Variants in TAP2 observed in about 807,000 individuals in gnomAD.
TAP2 encodes the protein transporter 2, ATP binding cassette subfamily B member.
In TAP2, 49 loss-of-function variants were observed where a neutral mutation model predicts 74.7. The ratio of observed to expected loss-of-function variants is 0.66; its 90% confidence interval spans 0.52 to 0.83. TAP2 has a LOEUF of 0.83. Ranked by LOEUF, TAP2 falls within the 40% of genes least tolerant of loss-of-function variation. TAP2 has a pLI of 0.00. For missense variants in TAP2, 739 were observed against 859.0 expected, an observed-to-expected ratio of 0.86 and a Z score of 1.75; for synonymous variants, 306 against 368.4, an observed-to-expected ratio of 0.83 and a Z score of 1.94.
Position 32,828,675 on chromosome 6 carries a change from G to GGCC in TAP2, c.*230_*231insGGC. 3 of 884,262 alleles carry GGCC rather than the reference G, an allele frequency of 3.4e-6. No homozygotes were observed. The highest frequency in any genetic ancestry group is 4.1e-6 in the Non-Finnish European group (3 of 735,224). The allele number at this position is 884,262 out of a possible 1,614,324, so 54.8% of individuals were successfully genotyped here. On this transcript the variant is annotated 3_prime_UTR_variant, in exon 12 of 12. Coordinates refer to ENST00000374897, the MANE Select transcript of TAP2 (RefSeq NM_001290043.2). ...GAATTAAGTTTCCTGGACACAGACA[G>GGCC]CCCCCACCCCACCCCACCCCACCTC...
intron 10 of TAP2, 33 bp from the exon 11 acceptor site, chr6:32,829,569 T>C (rs1042866078): frequency 1.2e-6 from 2 of 1,613,694 alleles, no homozygotes; most frequent in South Asian, 1.1e-5. Context: ...CTTCCTCAGA[T>C]ACAAGTGACA....
rs1441094104 is a variant in TAP2 at position 32,828,144 on chromosome 6, C to A, written c.*762G>T. The A allele has an allele frequency of 1.2e-6, 1 of 801,928 alleles. No homozygotes were observed. Among genetic ancestry groups the A allele is most frequent in the Admixed American group, 6.2e-5 (1 of 16,020 alleles). 49.7% of individuals were successfully genotyped at this position (801,928 alleles called of 1,614,324 possible). ...ATTGAGCCTCTTTGAGCTTCAGTTTCCTCATCTGTAAAATGGGGATAATAA... is the reference window on the plus strand; with the variant it reads ...ATTGAGCCTCTTTGAGCTTCAGTTTACTCATCTGTAAAATGGGGATAATAA... On this transcript the variant is annotated 3_prime_UTR_variant, in exon 12 of 12. Coordinates refer to ENST00000374897, the MANE Select transcript of TAP2 (RefSeq NM_001290043.2).
In TAP2 at chr6:32,828,898, T is replaced by C. The variant is rs1021757616; in HGVS notation, c.*8A>G. The C allele has an allele frequency of 4.6e-6, 7 of 1,536,304 alleles. No individual in the cohort carries two copies. Among genetic ancestry groups the C allele is most frequent in the Non-Finnish European group, 6.2e-6 (7 of 1,137,944 alleles). On this transcript the variant is annotated 3_prime_UTR_variant, in exon 12 of 12. Coordinates refer to ENST00000374897, the MANE Select transcript of TAP2 (RefSeq NM_001290043.2). The stretch of plus-strand genomic sequence containing the variant: ...CTGCACCAGGCGGGAATAGAGGTCC[T>C]GTCCCTCCTAGAGCTGGGCAAGCTT...
In TAP2 at chr6:32,837,866, C is replaced by G. The variant is rs1237754597; in HGVS notation, c.368G>C (p.Gly123Ala). 6.2e-7 allele frequency: 1 copy of G among 1,613,170 alleles called. No individual in the cohort carries two copies. Among genetic ancestry groups the G allele is most frequent in the Non-Finnish European group, 8.5e-7 (1 of 1,180,010 alleles). The change falls in exon 2 of 12, where the codon GGA becomes GCA. Residue 123 changes from glycine to alanine, a missense_variant. By Grantham distance (60) the Gly-to-Ala change is moderately conservative. Coordinates refer to ENST00000374897, the MANE Select transcript of TAP2 (RefSeq NM_001290043.2). Reference sequence around the variant, plus strand: ...CTGGTCCTGCTCCTTCTCCTGGGCTCCAGGAGGGCTCAGAACAGCCCACAG... The same window carrying G: ...CTGGTCCTGCTCCTTCTCCTGGGCTGCAGGAGGGCTCAGAACAGCCCACAG... ...WSLWAVLSPP[G>A]AQEKEQDQVN... is the part of the protein sequence containing the mutation.
chr6:32,822,387 T>C, downstream of TAP2: 1 of 1,042,138 alleles, frequency 9.6e-7, no homozygotes, highest in South Asian at 1.5e-5. Context: ...TAGAATCTGT[T>C]TGCAATGTTT....
chr6:32,829,583 A>T, intron 10 of TAP2, 47 bp from the exon 11 acceptor site: 1 of 1,612,898 alleles, frequency 6.2e-7, no homozygotes, highest in Non-Finnish European at 8.5e-7. Context: ...AGTGACACAG[A>T]CAACACACAA....
At chr6:32,833,830 A>C (rs528329140) in intron 5 of TAP2, among the ~76,000 whole-genome samples, 1 of 152,246 alleles carries the variant, frequency 6.6e-6, no homozygotes, top group South Asian at 2.1e-4. Flanking sequence ...CATGAGGGCA[A>C]GTCTTTCCCA....
chr6:32,832,655 T>A lies in TAP2; in HGVS notation c.1115A>T (p.Glu372Val). The A allele has an allele frequency of 6.2e-7, 1 of 1,613,034 alleles. No individual in the cohort carries two copies. Among genetic ancestry groups the A allele is most frequent in the South Asian group, 1.1e-5 (1 of 91,080 alleles). The stretch of plus-strand genomic sequence containing the variant: ...CCTTACGAGCAGGTACAAGGCGCGT[T>A]CCAGGTCTCTCCGCCAATACAGCTG... Reference protein sequence around the residue: ...CRQLYWRRDLERALYLLVRRV... With the variant: ...CRQLYWRRDLVRALYLLVRRV... Residue 372 changes from glutamate to valine, a missense_variant, in exon 6 of 12, where the codon GAA becomes GTA. Transcript: ENST00000374897. This position sits in a 1 kb window ranked among gnomAD's most constrained non-coding sequence, Gnocchi z 5.9.
downstream of TAP2, among the ~76,000 whole-genome samples, chr6:32,823,505 G>A (rs956015346): frequency 1.6e-5 from 2 of 127,326 alleles, no homozygotes; most frequent in African/African-American, 6.0e-5. Context: ...TGTGACCTCT[G>A]CTTCCCTTTT....
At chr6:32,838,465 TAAA>T (rs9282316) in intron 1 of TAP2, among the ~76,000 whole-genome samples, 185 bp downstream of exon 1, 58,284 of 135,934 alleles carry the variant, frequency 0.43, 12,240 homozygotes, top group Middle Eastern at 0.57. Flanking sequence ...GCCTCGTGCT[TAAA>T]AAAAAAAAAA....
In TAP2 at chr6:32,827,061, G is replaced by A. The variant is rs561473298; in HGVS notation, c.*1845C>T. ...ATGAAAGAAAGGCAAATCTGCACAA[G>A]AAACTGCCCACTCTCACCCCATCCT... is the stretch of plus-strand genomic sequence containing the variant. On this transcript the variant is annotated 3_prime_UTR_variant, in exon 12 of 12. Transcript: ENST00000374897. 111 of 985,554 alleles carry A rather than the reference G, an allele frequency of 1.1e-4. No homozygotes were observed. The highest frequency in any genetic ancestry group is 1.3e-4 in the Non-Finnish European group (111 of 829,954). The allele number at this position is 985,554 out of a possible 1,614,324, so 61.1% of individuals were successfully genotyped here.
At chr6:32,824,823 C>T (rs1039768733), downstream of TAP2, among the ~76,000 whole-genome samples, 1 of 151,944 alleles carries the variant, frequency 6.6e-6, no homozygotes, top group Admixed American at 6.6e-5. Flanking sequence ...ACTTTGTCTG[C>T]CTCATTCTCA....
downstream of TAP2, among the ~76,000 whole-genome samples, chr6:32,823,253 G>A (rs192216174): frequency 5.3e-5 from 8 of 151,932 alleles, no homozygotes; most frequent in East Asian, 1.4e-3. Flanking sequence ...TCTAGTCCAG[G>A]GAAAGGGAAT....
At chr6:32,837,437 T>A (rs1769487264) in intron 3 of TAP2, 100 bp downstream of exon 3, 1 of 911,710 alleles carries the variant, frequency 1.1e-6, no homozygotes, top group Non-Finnish European at 1.8e-6. Context: ...TAAGTATTTT[T>A]GTGTTTTGCG....
downstream of TAP2, chr6:32,822,456 G>A (rs1478292052): frequency 6.2e-6 from 4 of 646,422 alleles, no homozygotes; most frequent in African/African-American, 5.6e-5. Context: ...TTATATTTGT[G>A]CATTGTCATA....
In TAP2 at chr6:32,826,269, C is replaced by T. The variant is rs1326166164; in HGVS notation, c.*2637G>A. The T allele has an allele frequency of 2.3e-5, 23 of 985,292 alleles. No individual in the cohort carries two copies. The highest frequency in any genetic ancestry group is 2.7e-5 in the Non-Finnish European group (22 of 829,950). 61.0% of individuals were successfully genotyped at this position (985,292 alleles called of 1,614,324 possible). On this transcript the variant is annotated 3_prime_UTR_variant, in exon 12 of 12. Transcript: ENST00000374897. ...ACTCAATGCTGTTTCCACATAGGGCCGGGCAGACAGGCTATGGAGGTGTTT... is the reference window on the plus strand; with the variant it reads ...ACTCAATGCTGTTTCCACATAGGGCTGGGCAGACAGGCTATGGAGGTGTTT...
At chr6:32,838,465 TAA>T (rs9282316) in intron 1 of TAP2, among the ~76,000 whole-genome samples, 186 bp downstream of exon 1, 108 of 136,038 alleles carry the variant, frequency 7.9e-4, no homozygotes, top group Admixed American at 1.5e-3. Context: ...GCCTCGTGCT[TAA>T]AAAAAAAAAA....
In TAP2 at chr6:32,832,193, T is replaced by C; in HGVS notation, c.1272+140A>G. The C allele has an allele frequency of 7.9e-7, 1 of 1,261,870 alleles. No individual in the cohort carries two copies. Among genetic ancestry groups the C allele is most frequent in the South Asian group, 1.3e-5 (1 of 74,110 alleles). 78.2% of individuals were successfully genotyped at this position (1,261,870 alleles called of 1,614,324 possible). ...TTTTGTCTCATTTTTGGCATATGTT[T>C]AAAATTCTCCATAGCAAAATTACTT... On this transcript the variant is annotated intron_variant, in intron 7 of 11. Transcript: ENST00000374897. The surrounding 1 kb of genome is among the most constrained non-coding windows in gnomAD (Gnocchi z 5.9).
Position 32,828,972 on chromosome 6 carries a change from T to C in TAP2, c.1995A>G (p.Thr665=). The C allele has an allele frequency of 6.5e-7, 1 of 1,549,574 alleles. No individual in the cohort carries two copies. Among genetic ancestry groups the C allele is most frequent in the South Asian group, 1.2e-5 (1 of 83,702 alleles). Reference sequence around the variant, plus strand: ...CCAGGATCTGGTGGGCGCGCTGAACTGTCTGCAGCCTGTGAGCAATCACCA... The same window carrying C: ...CCAGGATCTGGTGGGCGCGCTGAACCGTCTGCAGCCTGTGAGCAATCACCA... The part of the protein sequence containing the change: ...TVLVIAHRLQ[T]VQRAHQILVL... Residue 665 remains threonine (T), a synonymous_variant, in exon 12 of 12, where the codon ACA becomes ACG. Coordinates refer to ENST00000374897, the MANE Select transcript of TAP2 (RefSeq NM_001290043.2).
Sources: allele counts gnomAD v4.1 joint callset (sites outside exome capture counted in the v4.1 genomes callset), GRCh38; gene constraint gnomAD v4.1.1; non-coding constraint Gnocchi (gnomAD v3.1); transcripts MANE v1.5; gene names NCBI Gene and HGNC (gene_info 2026-07-23, HGNC 2026-07-21).